The following IGDCC3 variants were observed in gnomAD, a reference collection of about 807,000 sequenced individuals.
IGDCC3 encodes the protein putative neuronal cell adhesion molecule.
A neutral mutation model predicts 72.0 loss-of-function variants in IGDCC3; 47 were observed. The ratio of observed to expected loss-of-function variants is 0.65; its 90% CI spans 0.52 to 0.83. The LOEUF is 0.83. Among genes scored for constraint, IGDCC3 ranks in the 40% least tolerant of loss-of-function variants. The probability of loss-of-function intolerance (pLI) is 0.00; values close to 1 mark genes in which losing one functional copy is unlikely to be tolerated. For missense variants in IGDCC3, 1,038 were observed against 1,091.3 expected (o/e 0.95, Z 0.69); for synonymous variants, 477 against 472.8 (o/e 1.01, Z -0.11).
chr15:65,364,363 AG>A (rs1373130515), intron 2 of IGDCC3, among the ~76,000 whole-genome samples: 2 of 152,214 alleles, frequency 1.3e-5, no homozygotes, highest in African/African-American at 4.8e-5. Context: ...TAAATAAATT[AG>A]CACACAAAGG....
At chr15:65,358,811 T>C (rs527256009) in intron 2 of IGDCC3, among the ~76,000 whole-genome samples, 1 of 152,048 alleles carries the variant, frequency 6.6e-6, no homozygotes, top group South Asian at 2.1e-4. Context: ...TGCTTTGATT[T>C]AGTTTATCTA....
In IGDCC3 at chr15:65,329,960, C is replaced by G. The variant is rs2090961909; in HGVS notation, c.1859-96G>C. On this transcript the variant is annotated intron_variant, in intron 11 of 13. Coordinates refer to ENST00000327987, the MANE Select transcript of IGDCC3 (RefSeq NM_004884.4). This position sits in a 1 kb window ranked among gnomAD's most constrained non-coding sequence, Gnocchi z 4.1. Reference sequence around the variant, plus strand: ...GGACTCCTCTTCCTTCAGCTGCTCCCACTCCCAAGTGGGAGTGGGAACATC... The same window carrying G: ...GGACTCCTCTTCCTTCAGCTGCTCCGACTCCCAAGTGGGAGTGGGAACATC... The G allele has an allele frequency of 7.3e-7, 1 of 1,363,226 alleles. No homozygotes were observed. 84.4% of individuals were successfully genotyped at this position (1,363,226 alleles called of 1,614,324 possible).
At chr15:65,367,149 G>T (rs1159132483) in intron 2 of IGDCC3, among the ~76,000 whole-genome samples, 1 of 152,118 alleles carries the variant, frequency 6.6e-6, no homozygotes, top group African/African-American at 2.4e-5. Flanking sequence ...TTTCAGATCA[G>T]CCTGGCCAAC....
At chr15:65,333,511 G>T in intron 5 of IGDCC3, 96 bp from the exon 6 acceptor site, 2 of 1,175,386 alleles carry the variant, frequency 1.7e-6, no homozygotes, top group Non-Finnish European at 2.3e-6. Flanking sequence ...CCTTCCTCCT[G>T]TCTTCTAGGG....
intron 2 of IGDCC3, among the ~76,000 whole-genome samples, chr15:65,366,263 C>T (rs369389640): frequency 1.3e-5 from 2 of 151,072 alleles, no homozygotes; most frequent in East Asian, 3.9e-4. Flanking sequence ...CCTGTAGTCC[C>T]AGCTACTCAG....
At chr15:65,338,380 G>C (rs1170444527) in intron 2 of IGDCC3, among the ~76,000 whole-genome samples, 1 of 152,246 alleles carries the variant, frequency 6.6e-6, no homozygotes, top group Non-Finnish European at 1.5e-5. Flanking sequence ...TTTTAGGAAA[G>C]GGAAACTGAG....
Position 65,329,081 on chromosome 15 carries a change from C to A in IGDCC3, c.2273G>T (p.Gly758Val). Residue 758 changes from glycine to valine, a missense_variant, in exon 14 of 14, where the codon GGC becomes GTC. Transcript: ENST00000327987. This position sits in a 1 kb window ranked among gnomAD's most constrained non-coding sequence, Gnocchi z 4.1. ...CTCCGTCGTCTTCCCCTCCATCAGG[C>A]CGCACCCCTGAAGTGGCAGCACGGA... ...QLSVLPLQGC[G>V]LMEGKTTEAK... 1.2e-6 allele frequency: 2 copies of A among 1,611,458 alleles called. No homozygotes were observed. Among genetic ancestry groups the A allele is most frequent in the African/African-American group, 1.3e-5 (1 of 75,046 alleles).
At chr15:65,351,773 A>C (rs1206651687) in intron 2 of IGDCC3, among the ~76,000 whole-genome samples, 1 of 152,196 alleles carries the variant, frequency 6.6e-6, no homozygotes, top group Non-Finnish European at 1.5e-5. Context: ...AGTTATGGGA[A>C]ACTCCTATAA....
intron 2 of IGDCC3, among the ~76,000 whole-genome samples, chr15:65,349,273 T>C (rs2091152884): frequency 6.6e-6 from 1 of 152,218 alleles, no homozygotes. Flanking sequence ...TTTTCCTTTA[T>C]GATGTGGCTT....
At chr15:65,344,341 T>C (rs2091107740) in intron 2 of IGDCC3, among the ~76,000 whole-genome samples, 1 of 152,134 alleles carries the variant, frequency 6.6e-6, no homozygotes, top group Admixed American at 6.5e-5. Flanking sequence ...CTCAAGTCCT[T>C]CGCCGCCTGC....
chr15:65,334,279 G>A (rs1366751942), intron 5 of IGDCC3, among the ~76,000 whole-genome samples: 1 of 152,136 alleles, frequency 6.6e-6, no homozygotes, highest in African/African-American at 2.4e-5. Context: ...GACTTAGGGG[G>A]CCAGGCTAGA....
At chr15:65,360,301 T>C (rs2091252299) in intron 2 of IGDCC3, among the ~76,000 whole-genome samples, 1 of 152,174 alleles carries the variant, frequency 6.6e-6, no homozygotes, top group Non-Finnish European at 1.5e-5. Context: ...GATGGGAAAA[T>C]GACAGACTTG....
chr15:65,367,440 A>G (rs1469693485), intron 2 of IGDCC3, among the ~76,000 whole-genome samples: 3 of 151,828 alleles, frequency 2.0e-5, no homozygotes, highest in Non-Finnish European at 2.9e-5. Flanking sequence ...TGACGAGTTA[A>G]TGGGTGCAGC....
intron 1 of IGDCC3, 116 bp from the exon 2 acceptor site, chr15:65,375,518 T>C (rs2140175506): frequency 4.0e-6 from 3 of 757,120 alleles, no homozygotes; most frequent in Non-Finnish European, 6.3e-6. Flanking sequence ...CCCATCCCCA[T>C]GTTTCTGTAA....
intron 4 of IGDCC3, 29 bp downstream of exon 4, chr15:65,335,262 G>T: frequency 6.3e-7 from 1 of 1,588,910 alleles, no homozygotes; most frequent in Non-Finnish European, 8.6e-7. Flanking sequence ...AGGTGGGGAG[G>T]TTGGGGGAAA....
At chr15:65,354,150 C>T (rs2091195943) in intron 2 of IGDCC3, among the ~76,000 whole-genome samples, 1 of 152,204 alleles carries the variant, frequency 6.6e-6, no homozygotes, top group Non-Finnish European at 1.5e-5. Flanking sequence ...AGGTGATCTG[C>T]CCACCTCGCC....
In IGDCC3 at chr15:65,352,796, A is replaced by G. The variant is rs550855966; in HGVS notation, c.410-16840T>C. On this transcript the variant is annotated intron_variant, in intron 2 of 13. Coordinates refer to ENST00000327987, the MANE Select transcript of IGDCC3 (RefSeq NM_004884.4). ...AAGTATAATAAAGCAAATCAGTCTTACCATGATTTGTCTTTAGTAAAAATG... is the reference window on the plus strand; with the variant it reads ...AAGTATAATAAAGCAAATCAGTCTTGCCATGATTTGTCTTTAGTAAAAATG... Among the ~76,000 whole-genome samples, 5 of 152,368 alleles carry G rather than the reference A, an allele frequency of 3.3e-5. No individual in the cohort carries two copies. The South Asian group carries it at 1.0e-3, about 32-fold the overall frequency.
intron 2 of IGDCC3, among the ~76,000 whole-genome samples, chr15:65,345,481 T>G (rs553436414): frequency 6.6e-6 from 1 of 151,882 alleles, no homozygotes; most frequent in African/African-American, 2.4e-5. Context: ...TTGAGTCCAA[T>G]AGGTTGAGGC....
rs890472062 is a variant in IGDCC3, at chr15:65,330,890, A to C, written c.1562-149T>G. 3.7e-6 allele frequency: 4 copies of C among 1,093,800 alleles called. No individual in the cohort carries two copies. In the African/African-American group the frequency reaches 6.4e-5, roughly 17 times the overall value. 67.8% of individuals were successfully genotyped at this position (1,093,800 alleles called of 1,614,324 possible). Reference sequence around the variant, plus strand: ...CTTATGAAAGCAGCACCTTCCTAGGAATTAGAAAAAGAAGCCCTTTCCTCC... The same window carrying C: ...CTTATGAAAGCAGCACCTTCCTAGGCATTAGAAAAAGAAGCCCTTTCCTCC... On this transcript the variant is annotated intron_variant, in intron 9 of 13. Coordinates refer to ENST00000327987, the MANE Select transcript of IGDCC3 (RefSeq NM_004884.4).
Sources: gnomAD v4.1 joint callset for allele counts (sites outside exome capture counted in the v4.1 genomes callset) on GRCh38, gnomAD v4.1.1 for gene constraint, Gnocchi (gnomAD v3.1) non-coding constraint, MANE v1.5 for transcripts, NCBI Gene and HGNC (gene_info 2026-07-23, HGNC 2026-07-21) for gene names.